Variants in PDE4D observed in about 807,000 individuals in gnomAD.
The protein encoded by PDE4D is 3',5'-cyclic-AMP phosphodiesterase 4D.
In PDE4D, 24 loss-of-function variants were observed where a neutral mutation model predicts 87.4. That is an observed-to-expected ratio of 0.27 (90% CI 0.20 to 0.39). The LOEUF (loss-of-function observed/expected upper bound fraction) is 0.39. Ranked by LOEUF, PDE4D falls within the 10% of genes least tolerant of loss-of-function variation. PDE4D has a pLI of 1.00. For missense variants in PDE4D, 714 were observed against 1,041.0 expected (o/e 0.69, Z 4.32); for synonymous variants, 384 against 383.2 (o/e 1.00, Z -0.02).
intron 1 of PDE4D, among the ~76,000 whole-genome samples, chr5:59,665,201 G>C (rs1745875637): frequency 6.6e-6 from 1 of 152,146 alleles, no homozygotes; most frequent in South Asian, 2.1e-4. Context: ...TTCCCTCCAG[G>C]TATTTTGGCA....
chr5:59,813,098 T>C (rs1768553484), intron 1 of PDE4D, among the ~76,000 whole-genome samples: 1 of 152,260 alleles, frequency 6.6e-6, no homozygotes, highest in Non-Finnish European at 1.5e-5. Context: ...GGCTATTTTC[T>C]GGGCATTTGC....
At chr5:59,550,578 ATTGT>A (rs1226578620) in intron 1 of PDE4D, among the ~76,000 whole-genome samples, 1 of 152,004 alleles carries the variant, frequency 6.6e-6, no homozygotes, top group African/African-American at 2.4e-5. Context: ...TTAGTTCACT[ATTGT>A]TTAATTTGTA....
chr5:60,457,170 C>T (rs912601739), intron 1 of PDE4D, among the ~76,000 whole-genome samples: 1 of 152,146 alleles, frequency 6.6e-6, no homozygotes, highest in African/African-American at 2.4e-5. Flanking sequence ...GAGACTTGTC[C>T]TAATAGATTT....
At chr5:59,000,225 T>G (rs1040709326) in intron 6 of PDE4D, among the ~76,000 whole-genome samples, 1 of 152,238 alleles carries the variant, frequency 6.6e-6, no homozygotes, top group Non-Finnish European at 1.5e-5. Context: ...TAGTTCATTC[T>G]TAAGAATTGC....
At chr5:59,002,888 T>C (rs1326732080) in intron 6 of PDE4D, among the ~76,000 whole-genome samples, 4 of 152,100 alleles carry the variant, frequency 2.6e-5, no homozygotes, top group Non-Finnish European at 4.4e-5. Flanking sequence ...AATGAGACCA[T>C]ATATGCAAAG....
intron 1 of PDE4D, among the ~76,000 whole-genome samples, chr5:59,685,908 A>T (rs1181825368): frequency 6.6e-6 from 1 of 152,086 alleles, no homozygotes; most frequent in Non-Finnish European, 1.5e-5. Flanking sequence ...AGACTTACCC[A>T]TCTGCACAGA....
At chr5:60,098,218 T>C (rs1284711715) in intron 2 of PDE4D, among the ~76,000 whole-genome samples, 1 of 151,944 alleles carries the variant, frequency 6.6e-6, no homozygotes, top group Non-Finnish European at 1.5e-5. Flanking sequence ...AGGAATAAGT[T>C]CTAGCATTAG....
At chr5:59,746,991 A>G (rs574609865) in intron 1 of PDE4D, among the ~76,000 whole-genome samples, 1 of 152,278 alleles carries the variant, frequency 6.6e-6, no homozygotes, top group Non-Finnish European at 1.5e-5. Context: ...GTCTTTAAAC[A>G]TTTTAGCCCT....
At chr5:60,517,124 C>G (rs1028215175) in intron 1 of PDE4D, among the ~76,000 whole-genome samples, 2 of 152,262 alleles carry the variant, frequency 1.3e-5, no homozygotes, top group African/African-American at 4.8e-5. Context: ...AGCTGGGGCA[C>G]TGTCACGACC....
chr5:60,174,257 A>G (rs1258589790), intron 2 of PDE4D, among the ~76,000 whole-genome samples: 1 of 152,162 alleles, frequency 6.6e-6, no homozygotes, highest in African/African-American at 2.4e-5. Flanking sequence ...CCAATGACTG[A>G]ATCTTGGGGA....
At chr5:59,445,564 CA>C (rs1472286032) in intron 1 of PDE4D, among the ~76,000 whole-genome samples, 1 of 152,054 alleles carries the variant, frequency 6.6e-6, no homozygotes, top group African/African-American at 2.4e-5. Context: ...TTGATAATAC[CA>C]ATGATTTAGT....
At chr5:60,154,821 T>G (rs919203808) in intron 2 of PDE4D, among the ~76,000 whole-genome samples, 2 of 152,210 alleles carry the variant, frequency 1.3e-5, no homozygotes. Context: ...TTTGTTTAAA[T>G]GGAATCATAT....
intron 2 of PDE4D, among the ~76,000 whole-genome samples, chr5:60,144,739 G>T (rs1015706953): frequency 1.3e-5 from 2 of 152,120 alleles, no homozygotes; most frequent in African/African-American, 2.4e-5. Context: ...TTTTGCACTT[G>T]TCATTCTTCT....
intron 1 of PDE4D, among the ~76,000 whole-genome samples, chr5:59,765,674 T>C (rs919334768): frequency 5.9e-5 from 9 of 152,202 alleles, no homozygotes; most frequent in Non-Finnish European, 1.0e-4. Context: ...GGGAATCACA[T>C]GTTGCAAATA....
At chr5:60,415,200 T>C (rs1464377382) in intron 1 of PDE4D, among the ~76,000 whole-genome samples, 1 of 152,258 alleles carries the variant, frequency 6.6e-6, no homozygotes, top group African/African-American at 2.4e-5. Context: ...AGACAAGTTC[T>C]AGCCAATAGA....
chr5:60,109,011 G>C (rs1582701072), intron 2 of PDE4D, among the ~76,000 whole-genome samples: 1 of 152,164 alleles, frequency 6.6e-6, no homozygotes, highest in Non-Finnish European at 1.5e-5. Context: ...TTGACAAATA[G>C]GATCTAATTA....
intron 1 of PDE4D, among the ~76,000 whole-genome samples, chr5:59,693,003 G>A (rs1439748111): frequency 2.2e-4 from 34 of 152,026 alleles, no homozygotes; most frequent in Non-Finnish European, 4.4e-5. Context: ...TATAGTATGA[G>A]CAAGAAAAGT....
chr5:59,194,335 A>G (rs1422182183), intron 2 of PDE4D, among the ~76,000 whole-genome samples: 3 of 152,208 alleles, frequency 2.0e-5, no homozygotes, highest in Admixed American at 6.5e-5. Flanking sequence ...ATCTAGCTAG[A>G]TAAAATTCTT....
intron 1 of PDE4D, among the ~76,000 whole-genome samples, chr5:59,524,526 G>T (rs1469354199): frequency 7.9e-5 from 12 of 152,192 alleles, no homozygotes; most frequent in African/African-American, 2.9e-4. Context: ...TGAGAAATTT[G>T]CAGCCTGATG....
Sources: gnomAD v4.1 joint callset for allele counts (sites outside exome capture counted in the v4.1 genomes callset) on GRCh38, gnomAD v4.1.1 for gene constraint, MANE v1.5 for transcripts, NCBI Gene and HGNC (gene_info 2026-07-23, HGNC 2026-07-21) for gene names.